Variants in ETV6 observed in about 807,000 individuals in gnomAD.
ETV6 encodes transcription factor ETV6.
Under a neutral mutation model 51.1 loss-of-function variants are expected in ETV6, and 16 were observed. That is an observed-to-expected ratio of 0.31 (90% CI 0.21 to 0.48). The LOEUF (loss-of-function observed/expected upper bound fraction) is 0.48, where lower values mean the gene tolerates loss of function less well. Among genes scored for constraint, ETV6 ranks in the 20% least tolerant of loss-of-function variants. ETV6 has a pLI of 0.99. For missense variants in ETV6, 458 were observed against 594.8 expected, an observed-to-expected ratio of 0.77 and a Z score of 2.39; for synonymous variants, 240 against 224.1, an observed-to-expected ratio of 1.07 and a Z score of -0.64.
chr12:11,814,791 A>G (rs1945966932), intron 2 of ETV6, among the ~76,000 whole-genome samples: 1 of 152,236 alleles, frequency 6.6e-6, no homozygotes, highest in Non-Finnish European at 1.5e-5. Flanking sequence ...CTAGGAATGC[A>G]GGGGTTAAGA....
intron 1 of ETV6, among the ~76,000 whole-genome samples, chr12:11,669,816 A>G (rs1338423061): frequency 6.6e-6 from 1 of 152,188 alleles, no homozygotes; most frequent in Non-Finnish European, 1.5e-5. Context: ...CCCAAAATAG[A>G]AACCGTCGCC....
intron 2 of ETV6, among the ~76,000 whole-genome samples, chr12:11,790,998 T>C (rs1353805109): frequency 6.6e-6 from 1 of 152,148 alleles, no homozygotes; most frequent in Non-Finnish European, 1.5e-5. Flanking sequence ...AAGCTTCTAA[T>C]CTGCCATGGT....
At chr12:11,884,693 A>T (rs2136597130) in intron 6 of ETV6, 106 bp downstream of exon 6, 1 of 1,397,524 alleles carries the variant, frequency 7.2e-7, no homozygotes, top group South Asian at 1.3e-5. Flanking sequence ...GTCTGCCCAT[A>T]CTTATTTAGT....
intron 2 of ETV6, among the ~76,000 whole-genome samples, chr12:11,821,765 A>G (rs1477838922): frequency 1.3e-5 from 2 of 152,144 alleles, no homozygotes; most frequent in Non-Finnish European, 2.9e-5. Context: ...ACTTGAAGCC[A>G]GGAGTTCGAG....
chr12:11,879,754 T>C (rs1947057865), intron 5 of ETV6, among the ~76,000 whole-genome samples: 2 of 152,232 alleles, frequency 1.3e-5, no homozygotes, highest in Non-Finnish European at 2.9e-5. Context: ...TACCTTGTGA[T>C]CCAAAAACAT....
rs1349311978 is a variant in ETV6 at position 11,831,440 on chromosome 12, G to A, written c.164-7700G>A. On this transcript the variant is annotated intron_variant, in intron 2 of 7. Coordinates refer to ENST00000396373, the MANE Select transcript of ETV6 (RefSeq NM_001987.5). Reference sequence around the variant, plus strand: ...GTGTTTCACCGTGTTGGCCAGGCTGGTCTCAAACTCCTGACCTCAAGCAAT... The same window carrying A: ...GTGTTTCACCGTGTTGGCCAGGCTGATCTCAAACTCCTGACCTCAAGCAAT... 4.6e-5 allele frequency among the ~76,000 whole-genome samples: 7 copies of A among 152,316 alleles called. No individual in the cohort carries two copies. In the East Asian group the frequency reaches 1.2e-3, roughly 25 times the overall value.
chr12:11,882,818 G>A (rs957775003), intron 5 of ETV6, among the ~76,000 whole-genome samples: 2 of 152,224 alleles, frequency 1.3e-5, no homozygotes, highest in African/African-American at 2.4e-5. Flanking sequence ...CAATGCGGAT[G>A]TGTTGGCTGT....
At chr12:11,673,729 C>T (rs1475627309) in intron 1 of ETV6, among the ~76,000 whole-genome samples, 2 of 152,126 alleles carry the variant, frequency 1.3e-5, no homozygotes, top group Non-Finnish European at 2.9e-5. Context: ...TGCTGTATTC[C>T]ATTTTCAAGT....
chr12:11,811,276 C>A (rs1945908476), intron 2 of ETV6, among the ~76,000 whole-genome samples: 1 of 152,160 alleles, frequency 6.6e-6, no homozygotes, highest in African/African-American at 2.4e-5. Flanking sequence ...TAAAGCTTGG[C>A]AATCAATAGG....
In ETV6 at chr12:11,830,198, C is replaced by CGAGCAG. The variant is rs143411579; in HGVS notation, c.164-8941_164-8936dup. Among the ~76,000 whole-genome samples, 273 of 152,188 alleles carry CGAGCAG rather than the reference C, an allele frequency of 1.8e-3. 1 individual carries two copies. The highest frequency in any genetic ancestry group is 6.3e-3 in the African/African-American group (263 of 41,528). On this transcript the variant is annotated intron_variant, in intron 2 of 7. Transcript: ENST00000396373. ...AGGTCAGAAGGTGCTCTGTGGGCAC[C>CGAGCAG]GAGCAGTATTCGGGATCTGCAGCTA...
intron 1 of ETV6, among the ~76,000 whole-genome samples, chr12:11,693,422 G>A (rs1043442595): frequency 6.6e-6 from 1 of 152,054 alleles, no homozygotes; most frequent in African/African-American, 2.4e-5. Flanking sequence ...AGTCATCTGG[G>A]TCTGTGCTAC....
chr12:11,708,270 AAAAG>A (rs1460331010), intron 1 of ETV6, among the ~76,000 whole-genome samples: 2 of 152,114 alleles, frequency 1.3e-5, no homozygotes, highest in East Asian at 1.9e-4. Flanking sequence ...AAAAAAAAAA[AAAAG>A]AACAAGAATG....
At chr12:11,744,934 T>C (rs1865880073) in intron 1 of ETV6, among the ~76,000 whole-genome samples, 1 of 151,914 alleles carries the variant, frequency 6.6e-6, no homozygotes, top group African/African-American at 2.4e-5. Context: ...GAGAATTTCA[T>C]GGCATGTCAA....
At chr12:11,879,160 TAATA>T (rs1208075041) in intron 5 of ETV6, among the ~76,000 whole-genome samples, 1 of 152,174 alleles carries the variant, frequency 6.6e-6, no homozygotes, top group Non-Finnish European at 1.5e-5. Context: ...AATTTTTAGG[TAATA>T]AATTTCAAAA....
rs1018989871 is a variant in ETV6, at chr12:11,891,957, G to A, written c.*911G>A. The A allele has an allele frequency of 2.1e-5, 5 of 240,686 alleles. No homozygotes were observed. Among genetic ancestry groups the A allele is most frequent in the East Asian group, 5.9e-5 (1 of 16,896 alleles). The allele number at this position is 240,686 out of a possible 1,614,324, so 14.9% of individuals were successfully genotyped here. On this transcript the variant is annotated 3_prime_UTR_variant, in exon 8 of 8. Coordinates refer to ENST00000396373, the MANE Select transcript of ETV6 (RefSeq NM_001987.5). ...GCTGTGAGAACCATGTGTCTAAGGC[G>A]TAAGATAAGGATGGAAGGCTGTCCA...
chr12:11,672,355 T>C (rs1475988030), intron 1 of ETV6, among the ~76,000 whole-genome samples: 2 of 152,112 alleles, frequency 1.3e-5, no homozygotes, highest in Non-Finnish European at 2.9e-5. Flanking sequence ...ATCTATCTGC[T>C]CACACTTAGA....
chr12:11,702,334 T>C (rs763867167), intron 1 of ETV6, among the ~76,000 whole-genome samples: 1 of 152,184 alleles, frequency 6.6e-6, no homozygotes, highest in African/African-American at 2.4e-5. Context: ...AGTTTAGAGG[T>C]CTGTTTTTAG....
chr12:11,885,162 C>T (rs1379720532), intron 6 of ETV6, among the ~76,000 whole-genome samples: 4 of 152,166 alleles, frequency 2.6e-5, no homozygotes, highest in South Asian at 2.1e-4. Flanking sequence ...TTGTAAAAAG[C>T]GGGTAACCGT....
chr12:11,705,417 C>G (rs928459874), intron 1 of ETV6, among the ~76,000 whole-genome samples: 2 of 152,178 alleles, frequency 1.3e-5, no homozygotes, highest in African/African-American at 4.8e-5. Flanking sequence ...ATTCTCTGCC[C>G]TGGCCTTCAG....
Sources: allele counts gnomAD v4.1 joint callset (sites outside exome capture counted in the v4.1 genomes callset), GRCh38; gene constraint gnomAD v4.1.1; transcripts MANE v1.5; gene names NCBI Gene and HGNC (gene_info 2026-07-23, HGNC 2026-07-21).